Variants in AP1S3 observed in about 807,000 individuals in gnomAD.
AP1S3 encodes adaptor related protein complex 1 subunit sigma 3.
AP1S3 carries 10 observed loss-of-function variants against 20.9 expected under a neutral mutation model. The observed-to-expected ratio is 0.48, with a 90% confidence interval of 0.29 to 0.81. The LOEUF (loss-of-function observed/expected upper bound fraction) is 0.81. Ranked by LOEUF, AP1S3 falls within the 30% of genes least tolerant of loss-of-function variation. The pLI, the probability that AP1S3 is intolerant of heterozygous loss-of-function variation, is 0.08. For synonymous variants in AP1S3, 41 were observed against 61.5 expected (o/e 0.67, Z 1.56); for missense variants, 154 against 183.8 (o/e 0.84, Z 0.94).
intron 1 of AP1S3, among the ~76,000 whole-genome samples, chr2:223,830,840 G>A (rs997437910): frequency 3.3e-5 from 5 of 152,198 alleles, no homozygotes; most frequent in Admixed American, 1.3e-4. Flanking sequence ...GCTACTGAGA[G>A]CCAGGAATTT....
intron 1 of AP1S3, among the ~76,000 whole-genome samples, chr2:223,789,202 A>G (rs1691149660): frequency 6.6e-6 from 1 of 152,198 alleles, no homozygotes; most frequent in Admixed American, 6.5e-5. Flanking sequence ...ACACATACAC[A>G]CATACACACA....
intron 1 of AP1S3, among the ~76,000 whole-genome samples, chr2:223,782,357 C>T (rs866716003): frequency 4.6e-5 from 7 of 152,080 alleles, no homozygotes; most frequent in African/African-American, 1.4e-4. Context: ...ACAAAATAAA[C>T]CCAGTTTTAT....
At chr2:223,779,404 G>T (rs1690869494) in intron 1 of AP1S3, among the ~76,000 whole-genome samples, 1 of 151,944 alleles carries the variant, frequency 6.6e-6, no homozygotes, top group African/African-American at 2.4e-5. Context: ...CTGTTAGAAT[G>T]TTTTTTAAAA....
intron 1 of AP1S3, among the ~76,000 whole-genome samples, chr2:223,830,736 C>T (rs1449082170): frequency 6.6e-6 from 1 of 152,152 alleles, no homozygotes; most frequent in East Asian, 1.9e-4. Context: ...GAAGATCCAA[C>T]AAGGACATTA....
At chr2:223,805,507 A>G (rs1346220223) in intron 1 of AP1S3, among the ~76,000 whole-genome samples, 2 of 152,192 alleles carry the variant, frequency 1.3e-5, no homozygotes, top group Non-Finnish European at 1.5e-5. Context: ...CTGCCTTTCA[A>G]TTATAACATG....
intron 1 of AP1S3, among the ~76,000 whole-genome samples, chr2:223,778,744 T>C (rs1481785898): frequency 6.6e-6 from 1 of 151,564 alleles, no homozygotes; most frequent in Non-Finnish European, 1.5e-5. Flanking sequence ...TGACCCAGGC[T>C]GGAGTTCAGT....
intron 1 of AP1S3, among the ~76,000 whole-genome samples, chr2:223,805,191 C>T (rs1027860863): frequency 2.0e-5 from 3 of 152,148 alleles, no homozygotes; most frequent in Admixed American, 6.5e-5. Flanking sequence ...CTAATCCGAG[C>T]ACTTTGAGGG....
Position 223,758,382 on chromosome 2 carries a change from A to G in AP1S3, c.*333T>C. ...TACAATATTGTGTCAAATGCAAAAAAAATTGCAGCTAATGTATCTAAACCA... is the reference window on the plus strand; with the variant it reads ...TACAATATTGTGTCAAATGCAAAAAGAATTGCAGCTAATGTATCTAAACCA... On this transcript the variant is annotated 3_prime_UTR_variant, in exon 5 of 5. Coordinates refer to ENST00000396654, the MANE Select transcript of AP1S3 (RefSeq NM_001039569.2). 12 of 1,043,554 alleles carry G rather than the reference A, an allele frequency of 1.1e-5. No homozygotes were observed. Among genetic ancestry groups the G allele is most frequent in the Non-Finnish European group, 1.4e-5 (12 of 868,200 alleles). 64.6% of individuals were successfully genotyped at this position (1,043,554 alleles called of 1,614,324 possible).
chr2:223,797,689 C>A (rs1201660647), intron 1 of AP1S3, among the ~76,000 whole-genome samples: 2 of 152,074 alleles, frequency 1.3e-5, no homozygotes, highest in Non-Finnish European at 2.9e-5. Context: ...TCACTTGAAC[C>A]CGGGGGGCAG....
At chr2:223,778,457 C>A (rs1406201722) in intron 1 of AP1S3, among the ~76,000 whole-genome samples, 1 of 151,702 alleles carries the variant, frequency 6.6e-6, no homozygotes, top group Non-Finnish European at 1.5e-5. Flanking sequence ...GTTATAAACA[C>A]ACATAGGGAA....
intron 1 of AP1S3, among the ~76,000 whole-genome samples, chr2:223,806,337 G>A (rs1001389573): frequency 2.8e-5 from 4 of 140,582 alleles, no homozygotes; most frequent in African/African-American, 1.1e-4. Context: ...AGGCTGGAGT[G>A]CAGTGGTGGG....
intron 1 of AP1S3, among the ~76,000 whole-genome samples, chr2:223,823,178 CA>C (rs1692031993): frequency 1.3e-5 from 2 of 152,178 alleles, no homozygotes; most frequent in South Asian, 4.1e-4. Flanking sequence ...AAAACAGTAT[CA>C]AGGCCCCCCA....
At chr2:223,769,583 G>A (rs1050547385) in intron 3 of AP1S3, among the ~76,000 whole-genome samples, 2 of 144,064 alleles carry the variant, frequency 1.4e-5, no homozygotes, top group Admixed American at 7.3e-5. Flanking sequence ...CACAGATACT[G>A]TCTCCTTTCC....
intron 3 of AP1S3, among the ~76,000 whole-genome samples, chr2:223,772,587 G>C (rs1224051813): frequency 1.3e-5 from 2 of 152,120 alleles, no homozygotes; most frequent in African/African-American, 4.8e-5. Context: ...TGAGGTTAAT[G>C]CTACTTACTG....
intron 1 of AP1S3, among the ~76,000 whole-genome samples, chr2:223,833,969 C>A (rs532321939): frequency 6.6e-6 from 1 of 151,982 alleles, no homozygotes; most frequent in African/African-American, 2.4e-5. Flanking sequence ...AGTGCAATGG[C>A]ACGATCTTGG....
At chr2:223,767,430 G>A (rs1365614760) in intron 3 of AP1S3, among the ~76,000 whole-genome samples, 1 of 152,016 alleles carries the variant, frequency 6.6e-6, no homozygotes, top group East Asian at 1.9e-4. Flanking sequence ...TATTTAAGGT[G>A]TGCCTAGCAC....
At chr2:223,775,424 G>A (rs541724718) in intron 3 of AP1S3, among the ~76,000 whole-genome samples, 6 of 152,156 alleles carry the variant, frequency 3.9e-5, no homozygotes, top group Non-Finnish European at 7.3e-5. Flanking sequence ...GAAAAGAGAC[G>A]ACAAAGCCAA....
At chr2:223,804,004 T>C (rs1691525461) in intron 1 of AP1S3, among the ~76,000 whole-genome samples, 1 of 152,164 alleles carries the variant, frequency 6.6e-6, no homozygotes. Context: ...GATGACTTTA[T>C]TCAAACTTAA....
At chr2:223,759,849 T>A (rs141726090) in intron 4 of AP1S3, among the ~76,000 whole-genome samples, 1 of 152,218 alleles carries the variant, frequency 6.6e-6, no homozygotes, top group Non-Finnish European at 1.5e-5. Context: ...AGCTCCCACT[T>A]TTAAGTGAGA....
Sources: gnomAD v4.1 joint callset for allele counts (sites outside exome capture counted in the v4.1 genomes callset) on GRCh38, gnomAD v4.1.1 for gene constraint, MANE v1.5 for transcripts, NCBI Gene and HGNC (gene_info 2026-07-23, HGNC 2026-07-21) for gene names.